Variants in LSM8 observed in about 807,000 individuals in gnomAD.
LSM8 encodes LSM8 U6 small nuclear RNA associated.
LSM8 carries 14 observed loss-of-function variants against 15.0 expected under a neutral mutation model. That is an observed-to-expected ratio of 0.93 (90% CI 0.62 to 1.46). LSM8 has a LOEUF of 1.46. Among genes scored for constraint, LSM8 ranks in the 40% most tolerant of loss-of-function variants. The pLI is 0.00. For missense variants in LSM8, 90 were observed against 115.4 expected (o/e 0.78, Z 1.01); for synonymous variants, 50 against 42.1 (o/e 1.19, Z -0.73).
At position 118,201,056 on chromosome 7, in the gene LSM8, T is replaced by G. The variant is rs1809165254; in HGVS notation, c.*9054T>G. Among the ~76,000 whole-genome samples, 3 of 152,108 alleles carry G rather than the reference T, an allele frequency of 2.0e-5. No homozygotes were observed. ...GTAGTTTTGCTTGTATCACTCATAG[T>G]TACTAAAAATGCAAAAGGCAAATTT... On this transcript the variant is annotated 3_prime_UTR_variant, in exon 4 of 4. Coordinates refer to ENST00000249299, the MANE Select transcript of LSM8 (RefSeq NM_016200.5).
rs200035893 is a variant in LSM8 at position 118,192,017 on chromosome 7, C to A, written c.*15C>A. ...TAGCACACTGAGGAAAAACTACATA[C>A]TTGGACATCTGTAAATCTTTGTACA... On this transcript the variant is annotated 3_prime_UTR_variant, in exon 4 of 4. Transcript: ENST00000249299. 1.1e-4 allele frequency: 174 copies of A among 1,559,970 alleles called. No individual in the cohort carries two copies. The highest frequency in any genetic ancestry group is 6.7e-4 in the Middle Eastern group (4 of 5,960).
At position 118,200,566 on chromosome 7, in the gene LSM8, G is replaced by A. The variant is rs185436921; in HGVS notation, c.*8564G>A. ...ATGTTTATACTATTTATTTAAATGC[G>A]GAGAACATGGCTAACCATTCAGGAC... is the stretch of plus-strand genomic sequence containing the variant. On this transcript the variant is annotated 3_prime_UTR_variant, in exon 4 of 4. Transcript: ENST00000249299. Among the ~76,000 whole-genome samples the A allele has an allele frequency of 2.2e-4, 33 of 152,034 alleles. No individual in the cohort carries two copies. The highest frequency in any genetic ancestry group is 8.0e-4 in the African/African-American group (33 of 41,500).
At chr7:118,191,488 CAAATG>C (rs1808980808) in intron 3 of LSM8, 1 of 153,568 alleles carries the variant, frequency 6.5e-6, no homozygotes, top group Admixed American at 6.5e-5. Context: ...CAAAGTTACT[CAAATG>C]ATTGATATTT....
intron 2 of LSM8, 119 bp downstream of exon 2, chr7:118,185,813 T>G (rs1808879866): frequency 1.2e-6 from 1 of 847,284 alleles, no homozygotes; most frequent in African/African-American, 1.7e-5. Flanking sequence ...GCAATTTTAT[T>G]ATAATTCAGC....
intron 2 of LSM8, 101 bp downstream of exon 2, chr7:118,185,795 C>A (rs1401558634): frequency 4.1e-6 from 4 of 981,846 alleles, no homozygotes; most frequent in South Asian, 1.5e-5. Flanking sequence ...GCACATTACA[C>A]CCGTAGTGCA....
chr7:118,189,529 CAA>C (rs754797940), intron 3 of LSM8: 1 of 149,794 alleles, frequency 6.7e-6, no homozygotes, highest in Non-Finnish European at 1.5e-5. Context: ...GCCTGGGCAA[CAA>C]GAGCAAAACT....
rs545613220 is a variant in LSM8, at chr7:118,200,872, G to T, written c.*8870G>T. Among the ~76,000 whole-genome samples the T allele has an allele frequency of 6.6e-6, 1 of 152,032 alleles. No homozygotes were observed. The highest frequency in any genetic ancestry group is 6.6e-5 in the Admixed American group (1 of 15,220). On this transcript the variant is annotated 3_prime_UTR_variant, in exon 4 of 4. Transcript: ENST00000249299. ...TCTACTTGTTTCTTGTAAAAAAGGA[G>T]GTTTCTAAATCTTGACTGTTGATTG...
chr7:118,191,790 G>A (rs1808986503), intron 3 of LSM8, 122 bp from the exon 4 acceptor site: 2 of 687,082 alleles, frequency 2.9e-6, no homozygotes, highest in Admixed American at 3.1e-5. Flanking sequence ...TCTTTTTACT[G>A]TGCTCTCTCA....
rs1584709052 is a variant in LSM8 at position 118,195,392 on chromosome 7, A to G, written c.*3390A>G. Among the ~76,000 whole-genome samples the G allele has an allele frequency of 1.3e-5, 2 of 152,312 alleles. No homozygotes were observed. The highest frequency in any genetic ancestry group is 3.4e-3 in the Middle Eastern group (1 of 294). On this transcript the variant is annotated 3_prime_UTR_variant, in exon 4 of 4. Coordinates refer to ENST00000249299, the MANE Select transcript of LSM8 (RefSeq NM_016200.5). The stretch of plus-strand genomic sequence containing the variant: ...ACATTTGGTATGATTTTGAGGACAT[A>G]ACCGTAAACAGCTATTTAATACTAT...
rs545307792 is a variant in LSM8, at chr7:118,203,851, T to G, written c.*11849T>G. 7.1e-4 allele frequency among the ~76,000 whole-genome samples: 108 copies of G among 151,958 alleles called. No homozygotes were observed. The highest frequency in any genetic ancestry group is 1.4e-3 in the Non-Finnish European group (92 of 67,762). ...TGCTTTTTTGAATAAATTTGCCACC[T>G]TATTGCATATGAAGAATATCTCCAT... is the stretch of plus-strand genomic sequence containing the variant. On this transcript the variant is annotated 3_prime_UTR_variant, in exon 4 of 4. Coordinates refer to ENST00000249299, the MANE Select transcript of LSM8 (RefSeq NM_016200.5).
At position 118,189,259 on chromosome 7, in the gene LSM8, C is replaced by CA. The variant is rs373806750; in HGVS notation, c.200+865dup. ...TGGGTGACAGATTGAGACACCAATTCAAAAAAAAAAAGGCCGGGCACAGTG... is the reference window on the plus strand; with the variant it reads ...TGGGTGACAGATTGAGACACCAATTCAAAAAAAAAAAAGGCCGGGCACAGTG... On this transcript the variant is annotated intron_variant, in intron 3 of 3. Transcript: ENST00000249299. 7.3e-3 allele frequency: 967 copies of CA among 132,838 alleles called. 8 individuals are homozygous for CA. The highest frequency in any genetic ancestry group is 0.01 in the Non-Finnish European group (621 of 61,646). 8.2% of individuals were successfully genotyped at this position (132,838 alleles called of 1,614,324 possible).
chr7:118,188,551 T>A, intron 3 of LSM8, 146 bp downstream of exon 3: 1 of 725,574 alleles, frequency 1.4e-6, no homozygotes. Context: ...CCTTTTCTTA[T>A]GTTTGTGTAA....
rs199535603 is a variant in LSM8, at chr7:118,188,480, C to A, written c.200+75C>A. On this transcript the variant is annotated intron_variant, in intron 3 of 3. Coordinates refer to ENST00000249299, the MANE Select transcript of LSM8 (RefSeq NM_016200.5). ...TGGAGAAGAGGCTTTCCCCAAAATA[C>A]CCTACTGTATTGTCCATACATAGTT... The A allele has an allele frequency of 2.7e-4, 367 of 1,346,752 alleles. 4 individuals carry two copies. In the East Asian group the frequency reaches 7.8e-3, roughly 29 times the overall value. 83.4% of individuals were successfully genotyped at this position (1,346,752 alleles called of 1,614,324 possible). A position where few individuals can be genotyped will look rare whatever the true frequency, so the allele number is the denominator to read the frequency against.
rs994717893 is a variant in LSM8, at chr7:118,195,013, G to C, written c.*3011G>C. ...ATACTGCCTGTTATCAGAAAGTATA[G>C]TCTTAAAATCTGCTATCAAGCATCT... On this transcript the variant is annotated 3_prime_UTR_variant, in exon 4 of 4. Coordinates refer to ENST00000249299, the MANE Select transcript of LSM8 (RefSeq NM_016200.5). 7.0e-4 allele frequency among the ~76,000 whole-genome samples: 107 copies of C among 152,108 alleles called. No homozygotes were observed. Among genetic ancestry groups the C allele is most frequent in the Non-Finnish European group, 2.4e-4 (16 of 68,000 alleles).
rs949123806 is a variant in LSM8 at position 118,196,687 on chromosome 7, T to A, written c.*4685T>A. Among the ~76,000 whole-genome samples, 6 of 147,188 alleles carry A rather than the reference T, an allele frequency of 4.1e-5. No homozygotes were observed. The highest frequency in any genetic ancestry group is 9.0e-5 in the Non-Finnish European group (6 of 66,986). ...TCTTTTTTTAATGTTTCTTTTTTTTTAAGTCCTTTAATTTTTATTTATTTA... is the reference window on the plus strand; with the variant it reads ...TCTTTTTTTAATGTTTCTTTTTTTTAAAGTCCTTTAATTTTTATTTATTTA... On this transcript the variant is annotated 3_prime_UTR_variant, in exon 4 of 4. Transcript: ENST00000249299.
Position 118,194,464 on chromosome 7 carries a change from A to G in LSM8, c.*2462A>G, listed in dbSNP as rs1012334390. Among the ~76,000 whole-genome samples the G allele has an allele frequency of 2.0e-5, 3 of 150,910 alleles. No homozygotes were observed. Among genetic ancestry groups the G allele is most frequent in the Non-Finnish European group, 4.4e-5 (3 of 67,674 alleles). ...TGGTAACTTGGCCTCACATGCTGAC[A>G]GTTTTGGCTAAATATTACAAATCTT... is the stretch of plus-strand genomic sequence containing the variant. On this transcript the variant is annotated 3_prime_UTR_variant, in exon 4 of 4. Coordinates refer to ENST00000249299, the MANE Select transcript of LSM8 (RefSeq NM_016200.5).
In LSM8 at chr7:118,193,677, A is replaced by G. The variant is rs1290815978; in HGVS notation, c.*1675A>G. ...AAACAGGCAAATTTAGGGACTGTGA[A>G]TGAAATATTGTAGTATATGGCATTT... On this transcript the variant is annotated 3_prime_UTR_variant, in exon 4 of 4. Transcript: ENST00000249299. Among the ~76,000 whole-genome samples, 3 of 152,140 alleles carry G rather than the reference A, an allele frequency of 2.0e-5. No individual in the cohort carries two copies. The highest frequency in any genetic ancestry group is 2.9e-5 in the Non-Finnish European group (2 of 67,984).
rs1426296419 is a variant in LSM8, at chr7:118,199,240, C to A, written c.*7238C>A. On this transcript the variant is annotated 3_prime_UTR_variant, in exon 4 of 4. Transcript: ENST00000249299. The stretch of plus-strand genomic sequence containing the variant: ...ACCTCAGTATGATCTTGGGGACCCC[C>A]AACTCACTATCTAAATAAAATTTTC... Among the ~76,000 whole-genome samples the A allele has an allele frequency of 2.0e-5, 3 of 152,060 alleles. No individual in the cohort carries two copies. The highest frequency in any genetic ancestry group is 4.4e-5 in the Non-Finnish European group (3 of 68,014).
chr7:118,185,420 AGGGTAATAGAGAT>A, intron 1 of LSM8: 5 of 445,654 alleles, frequency 1.1e-5, no homozygotes, highest in South Asian at 3.2e-5. Flanking sequence ...TCACCAGGCC[AGGGTAATAGAGAT>A]GGGGGTATCG....
Sources: allele counts gnomAD v4.1 joint callset (sites outside exome capture counted in the v4.1 genomes callset), GRCh38; gene constraint gnomAD v4.1.1; transcripts MANE v1.5; gene names NCBI Gene and HGNC (gene_info 2026-07-23, HGNC 2026-07-21).